Variants in ST8SIA1 observed in about 807,000 individuals in gnomAD.
ST8SIA1 encodes the protein ST8 alpha-N-acetyl-neuraminide alpha-2,8-sialyltransferase 1.
ST8SIA1 carries 16 observed loss-of-function variants against 35.9 expected under a neutral mutation model. The observed-to-expected ratio is 0.45, with a 90% confidence interval of 0.30 to 0.68. ST8SIA1 has a LOEUF of 0.68. Ranked by LOEUF, ST8SIA1 falls within the 30% of genes least tolerant of loss-of-function variation. The pLI, the probability that ST8SIA1 is intolerant of heterozygous loss-of-function variation, is 0.09. For missense variants in ST8SIA1, 383 were observed against 453.6 expected, an observed-to-expected ratio of 0.84 and a Z score of 1.41; for synonymous variants, 170 against 169.6, an observed-to-expected ratio of 1.00 and a Z score of -0.02.
chr12:22,330,046 G>T (rs1866739542), intron 1 of ST8SIA1, among the ~76,000 whole-genome samples: 1 of 152,170 alleles, frequency 6.6e-6, no homozygotes, highest in African/African-American at 2.4e-5. Context: ...CTCCATGGGT[G>T]ACTTAATAAC....
At chr12:22,263,951 T>A (rs1865819024) in intron 2 of ST8SIA1, among the ~76,000 whole-genome samples, 2 of 152,174 alleles carry the variant, frequency 1.3e-5, no homozygotes. Flanking sequence ...AACATATGTT[T>A]GCCCTTCTTA....
rs751553835 is a variant in ST8SIA1, at chr12:22,222,587, T to C, written c.585-20549A>G. Among the ~76,000 whole-genome samples, 26 of 151,982 alleles carry C rather than the reference T, an allele frequency of 1.7e-4. 1 individual carries two copies. In the South Asian group the frequency reaches 1.9e-3, roughly 11 times the overall value. On this transcript the variant is annotated intron_variant, in intron 4 of 4. Coordinates refer to ENST00000396037, the MANE Select transcript of ST8SIA1 (RefSeq NM_003034.4). ...GTATGTGAAAGAAGTGTAAGTAATCTTATTGACAGTTAACTAGAAAAAGAC... is the reference window on the plus strand; with the variant it reads ...GTATGTGAAAGAAGTGTAAGTAATCCTATTGACAGTTAACTAGAAAAAGAC...
chr12:22,256,856 T>A (rs994631976), intron 2 of ST8SIA1, among the ~76,000 whole-genome samples: 2 of 151,956 alleles, frequency 1.3e-5, no homozygotes, highest in African/African-American at 4.8e-5. Context: ...TCAGAACAGA[T>A]CCAGAGAGAA....
At chr12:22,304,013 AGCAATG>A (rs1326551733) in intron 1 of ST8SIA1, among the ~76,000 whole-genome samples, 5 of 152,306 alleles carry the variant, frequency 3.3e-5, no homozygotes, top group African/African-American at 1.2e-4. Context: ...CAACCAAAAG[AGCAATG>A]GCTGTCGTCT....
chr12:22,235,623 A>G (rs1350600796), intron 4 of ST8SIA1, among the ~76,000 whole-genome samples: 1 of 152,212 alleles, frequency 6.6e-6, no homozygotes, highest in Non-Finnish European at 1.5e-5. Context: ...ATAATTAGCC[A>G]GTTTCACACT....
chr12:22,253,436 A>G (rs1036673823), intron 3 of ST8SIA1, among the ~76,000 whole-genome samples: 1 of 152,126 alleles, frequency 6.6e-6, no homozygotes, highest in Non-Finnish European at 1.5e-5. Flanking sequence ...CTGCAACAGC[A>G]CTTGCTATCT....
chr12:22,238,083 G>A (rs1178087285), intron 4 of ST8SIA1, among the ~76,000 whole-genome samples: 4 of 152,236 alleles, frequency 2.6e-5, no homozygotes, highest in African/African-American at 9.6e-5. Flanking sequence ...CCCAAGGGCA[G>A]ACTGTGGCAG....
chr12:22,218,577 C>T (rs1477717136), intron 4 of ST8SIA1, among the ~76,000 whole-genome samples: 2 of 140,142 alleles, frequency 1.4e-5, no homozygotes, highest in South Asian at 2.3e-4. Flanking sequence ...GAGATCATGC[C>T]ATTGCACTCC....
intron 4 of ST8SIA1, among the ~76,000 whole-genome samples, chr12:22,224,043 A>G (rs61921793): frequency 0.087 from 13,298 of 152,192 alleles, 695 homozygotes; most frequent in Middle Eastern, 0.12. Context: ...AGGTTGTACT[A>G]ATTTATACTC....
intron 2 of ST8SIA1, among the ~76,000 whole-genome samples, chr12:22,284,650 C>A (rs1866075386): frequency 6.6e-6 from 1 of 152,188 alleles, no homozygotes; most frequent in Non-Finnish European, 1.5e-5. Flanking sequence ...CTGCCTTTTG[C>A]AATGGCTGTG....
chr12:22,323,346 C>A (rs1866628237), intron 1 of ST8SIA1, among the ~76,000 whole-genome samples: 2 of 152,140 alleles, frequency 1.3e-5, no homozygotes, highest in South Asian at 4.1e-4. Flanking sequence ...TAGCCAAAGC[C>A]AAAGATTTTC....
At chr12:22,212,148 GTTAAT>G (rs1195000509) in intron 4 of ST8SIA1, among the ~76,000 whole-genome samples, 1 of 152,066 alleles carries the variant, frequency 6.6e-6, no homozygotes, top group East Asian at 1.9e-4. Context: ...AAATTTTCAA[GTTAAT>G]TTATCTCCTG....
intron 2 of ST8SIA1, among the ~76,000 whole-genome samples, chr12:22,283,812 G>A (rs573347230): frequency 6.6e-6 from 1 of 152,206 alleles, no homozygotes; most frequent in East Asian, 1.9e-4. Context: ...TACTGAGTGG[G>A]AAGCACTGCA....
At chr12:22,287,974 G>A (rs1004028006) in intron 1 of ST8SIA1, among the ~76,000 whole-genome samples, 2 of 152,132 alleles carry the variant, frequency 1.3e-5, no homozygotes, top group Admixed American at 1.3e-4. Context: ...TGAGCTCTAT[G>A]ACTTTGACAG....
At chr12:22,265,574 G>A (rs1395769886) in intron 2 of ST8SIA1, among the ~76,000 whole-genome samples, 2 of 152,152 alleles carry the variant, frequency 1.3e-5, no homozygotes, top group Non-Finnish European at 1.5e-5. Context: ...CAGTTGTTGT[G>A]AGAATTAAAT....
intron 2 of ST8SIA1, among the ~76,000 whole-genome samples, chr12:22,256,188 C>A (rs540473353): frequency 6.6e-6 from 1 of 152,190 alleles, no homozygotes; most frequent in African/African-American, 2.4e-5. Context: ...CTGGGTGGGT[C>A]TGTCTAGAGC....
intron 4 of ST8SIA1, among the ~76,000 whole-genome samples, chr12:22,211,167 T>C (rs1373500783): frequency 6.6e-6 from 1 of 152,202 alleles, no homozygotes; most frequent in African/African-American, 2.4e-5. Context: ...CATAGGGCAA[T>C]GTATGGAGGA....
rs181383301 is a variant in ST8SIA1 at position 22,236,415 on chromosome 12, A to T, written c.584+12591T>A. ...ACAGCCAATGCTGTTCTATTAGCTG[A>T]CAGAAACCCCTCCGCACATTTTCTT... On this transcript the variant is annotated intron_variant, in intron 4 of 4. Coordinates refer to ENST00000396037, the MANE Select transcript of ST8SIA1 (RefSeq NM_003034.4). Among the ~76,000 whole-genome samples, 231 of 152,354 alleles carry T rather than the reference A, an allele frequency of 1.5e-3. 1 individual carries two copies. Among genetic ancestry groups the T allele is most frequent in the Non-Finnish European group, 2.9e-3 (197 of 68,038 alleles).
chr12:22,202,062 TC>T, intron 4 of ST8SIA1, 24 bp from the exon 5 acceptor site: 1 of 1,540,508 alleles, frequency 6.5e-7, no homozygotes. Context: ...AAAAAACTGT[TC>T]AATTAAACCT....
Sources: allele counts gnomAD v4.1 joint callset (sites outside exome capture counted in the v4.1 genomes callset), GRCh38; gene constraint gnomAD v4.1.1; transcripts MANE v1.5; gene names NCBI Gene and HGNC (gene_info 2026-07-23, HGNC 2026-07-21).